PAN3: variants seen among roughly 807,000 people sequenced by gnomAD.
PAN3 encodes poly(A) specific ribonuclease subunit PAN3.
A neutral mutation model predicts 96.2 loss-of-function variants in PAN3; 19 were observed. The ratio of observed to expected loss-of-function variants is 0.20; its 90% CI spans 0.14 to 0.29. The LOEUF is 0.29. Ranked by LOEUF, PAN3 falls within the 10% of genes least tolerant of loss-of-function variation. The pLI, the probability that PAN3 is intolerant of heterozygous loss-of-function variation, is 1.00. For synonymous variants in PAN3, 433 were observed against 406.6 expected, an observed-to-expected ratio of 1.06 and a Z score of -0.78; for missense variants, 882 against 1,108.1, an observed-to-expected ratio of 0.80 and a Z score of 2.90.
At chr13:28,246,292 A>G (rs1420476397) in intron 6 of PAN3, among the ~76,000 whole-genome samples, 1 of 151,978 alleles carries the variant, frequency 6.6e-6, no homozygotes, top group Non-Finnish European at 1.5e-5. Context: ...ATTCTTATTC[A>G]TACTAGACCT....
At chr13:28,169,011 G>A (rs1469549074) in intron 1 of PAN3, among the ~76,000 whole-genome samples, 1 of 149,556 alleles carries the variant, frequency 6.7e-6, no homozygotes, top group East Asian at 2.0e-4. Flanking sequence ...GCGAGACTCC[G>A]TCTCAAAAAA....
chr13:28,253,121 G>A (rs1339227954), intron 6 of PAN3, among the ~76,000 whole-genome samples: 1 of 152,154 alleles, frequency 6.6e-6, no homozygotes. Flanking sequence ...AACCCTTTTA[G>A]CGTAAGATTC....
At position 28,288,056 on chromosome 13, in the gene PAN3, T is replaced by C. The variant is rs760377217; in HGVS notation, c.2457T>C (p.Phe819=). ...YLLKLFRDHL[F]HQVTEAGAPW... is the part of the protein sequence containing the mutation. The stretch of plus-strand genomic sequence containing the variant: ...TGAAACTCTTTAGGGATCATCTTTT[T>C]CATCAGGTGACAGAAGCAGGTGCTC... The change falls in exon 18 of 19, where the codon TTT becomes TTC. Residue 819 remains phenylalanine (F), a synonymous_variant. Coordinates refer to ENST00000380958, the MANE Select transcript of PAN3 (RefSeq NM_175854.8). 8 of 1,613,656 alleles carry C rather than the reference T, an allele frequency of 5.0e-6. No homozygotes were observed. The African/African-American group carries it at 9.3e-5, about 19-fold the overall frequency.
chr13:28,174,604 TGACGGGA>T, intron 2 of PAN3, among the ~76,000 whole-genome samples: 1 of 152,166 alleles, frequency 6.6e-6, no homozygotes, highest in Admixed American at 6.5e-5. Context: ...GGGGCAAGAG[TGACGGGA>T]GTATGTAGAG....
intron 1 of PAN3, among the ~76,000 whole-genome samples, chr13:28,163,522 CCT>C (rs1873142251): frequency 6.6e-6 from 1 of 152,130 alleles, no homozygotes. Context: ...TGGTATTTAA[CCT>C]CTTTTTTCAG....
intron 6 of PAN3, among the ~76,000 whole-genome samples, chr13:28,235,609 A>G (rs745685801): frequency 9.9e-5 from 15 of 151,422 alleles, no homozygotes; most frequent in Admixed American, 2.6e-4. Flanking sequence ...TCATTATAGT[A>G]TCTCCCATTT....
intron 15 of PAN3, 105 bp downstream of exon 15, chr13:28,277,481 C>A: frequency 2.6e-6 from 3 of 1,136,708 alleles, no homozygotes; most frequent in Non-Finnish European, 3.7e-6. Flanking sequence ...TAAAATCAAG[C>A]AAAACAGAAA....
intron 17 of PAN3, among the ~76,000 whole-genome samples, chr13:28,284,283 C>T (rs1868682890): frequency 6.6e-6 from 1 of 151,998 alleles, no homozygotes; most frequent in African/African-American, 2.4e-5. Context: ...ATTCTTATGT[C>T]CTGTTCAATT....
At chr13:28,225,080 T>TA (rs1881854493) in intron 6 of PAN3, among the ~76,000 whole-genome samples, 2 of 152,212 alleles carry the variant, frequency 1.3e-5, no homozygotes, top group African/African-American at 2.4e-5. Context: ...ATTATGTTCT[T>TA]ACATCCAGTT....
intron 6 of PAN3, among the ~76,000 whole-genome samples, chr13:28,254,964 T>C (rs1885022665): frequency 1.3e-5 from 2 of 152,172 alleles, no homozygotes; most frequent in South Asian, 4.1e-4. Flanking sequence ...AATAATTATG[T>C]TGAGGCTCTT....
At chr13:28,272,128 G>T in intron 14 of PAN3, 57 bp downstream of exon 14, 1 of 1,289,926 alleles carries the variant, frequency 7.8e-7, no homozygotes, top group Non-Finnish European at 1.1e-6. Flanking sequence ...GACAAATTTT[G>T]TTCATTTTAA....
chr13:28,266,815 A>C lies in PAN3; in HGVS notation c.1512A>C (p.Thr504=). ...IQKSSNFGYI[T]SCYKAVNSKD... is the part of the protein sequence containing the mutation. The stretch of plus-strand genomic sequence containing the variant: ...AATCAAGTAATTTTGGATATATTAC[A>C]TCTTGCTACAAAGCTGTAAACAGCA... The change falls in exon 10 of 19, where the codon ACA becomes ACC. Residue 504 remains threonine (T), a synonymous_variant. Coordinates refer to ENST00000380958, the MANE Select transcript of PAN3 (RefSeq NM_175854.8). 1 of 1,611,874 alleles carries C rather than the reference A, an allele frequency of 6.2e-7. No individual in the cohort carries two copies. The highest frequency in any genetic ancestry group is 8.5e-7 in the Non-Finnish European group (1 of 1,179,044).
chr13:28,189,650 A>AT (rs1876971428), intron 4 of PAN3, among the ~76,000 whole-genome samples: 1 of 152,100 alleles, frequency 6.6e-6, no homozygotes, highest in East Asian at 1.9e-4. Context: ...AGTGACTCCA[A>AT]TTTCTGTTTG....
In PAN3 at chr13:28,267,143, A is replaced by G; in HGVS notation, c.1622A>G (p.Lys541Arg). The change falls in exon 11 of 19, where the codon AAG becomes AGG. Residue 541 changes from lysine to arginine, a missense_variant. Around this residue, in one of 3 missense-constraint regions of PAN3, gnomAD observed 364 missense variants for 513.6 expected, o/e 0.71. Coordinates refer to ENST00000380958, the MANE Select transcript of PAN3 (RefSeq NM_175854.8). ...TGCATGGTGTTGGTCGACATGTGGA[A>G]GAAAATTCAACACTCAAATATCGTA... ...TKCMVLVDMW[K>R]KIQHSNIVTL... 2 of 1,612,936 alleles carry G rather than the reference A, an allele frequency of 1.2e-6. No homozygotes were observed. The highest frequency in any genetic ancestry group is 1.7e-6 in the Non-Finnish European group (2 of 1,179,006).
chr13:28,210,448 T>G (rs905619070), intron 5 of PAN3, among the ~76,000 whole-genome samples: 3 of 152,220 alleles, frequency 2.0e-5, no homozygotes, highest in African/African-American at 7.2e-5. Context: ...TAATTAGCTT[T>G]CTTCTGCTGT....
chr13:28,250,466 A>G (rs1257440407), intron 6 of PAN3, among the ~76,000 whole-genome samples: 2 of 152,066 alleles, frequency 1.3e-5, no homozygotes, highest in African/African-American at 2.4e-5. Context: ...CCCTGGTTCA[A>G]GTGATTCTTC....
chr13:28,260,351 G>C, intron 7 of PAN3, 96 bp from the exon 8 acceptor site: 1 of 873,750 alleles, frequency 1.1e-6, no homozygotes, highest in South Asian at 1.5e-5. Context: ...CCGAGATTGC[G>C]CCACTGAACT....
chr13:28,210,374 C>A (rs1443344698), intron 5 of PAN3, among the ~76,000 whole-genome samples: 10 of 151,966 alleles, frequency 6.6e-5, no homozygotes, highest in Non-Finnish European at 4.4e-5. Context: ...TTAAGATTGT[C>A]AAGTTATAAA....
chr13:28,277,469 T>C, intron 15 of PAN3, 93 bp downstream of exon 15: 1 of 1,315,802 alleles, frequency 7.6e-7, no homozygotes, highest in Non-Finnish European at 1.0e-6. Context: ...GTTCCCACTA[T>C]TTAAAATCAA....
Sources: gnomAD v4.1 joint callset for allele counts (sites outside exome capture counted in the v4.1 genomes callset) on GRCh38, gnomAD v4.1.1 for gene constraint, gnomAD v4.1.1 regional missense constraint, MANE v1.5 for transcripts, NCBI Gene and HGNC (gene_info 2026-07-23, HGNC 2026-07-21) for gene names.